The following FBXO25 variants were observed in gnomAD, a reference collection of about 807,000 sequenced individuals.
The protein encoded by FBXO25 is F-box only protein 25.
FBXO25 carries 45 observed loss-of-function variants against 51.9 expected under a neutral mutation model. The observed-to-expected ratio is 0.87, with a 90% CI of 0.68 to 1.11. FBXO25 has a LOEUF of 1.11. FBXO25 is among the 50% of genes most tolerant of loss of function. The probability of loss-of-function intolerance (pLI) is 0.00; values close to 1 mark genes in which losing one functional copy is unlikely to be tolerated. For synonymous variants in FBXO25, 199 were observed against 151.0 expected, an observed-to-expected ratio of 1.32 and a Z score of -2.33; for missense variants, 507 against 428.5, an observed-to-expected ratio of 1.18 and a Z score of -1.62.
At chr8:452,847 A>C (rs1332545702) in intron 7 of FBXO25, among the ~76,000 whole-genome samples, 1 of 152,216 alleles carries the variant, frequency 6.6e-6, no homozygotes, top group Non-Finnish European at 1.5e-5. Context: ...AAAGCAAGGG[A>C]CAAGCTTGCA....
At chr8:407,379 G>A (rs935569067) in intron 1 of FBXO25, 1 of 983,776 alleles carries the variant, frequency 1.0e-6, no homozygotes, top group Admixed American at 6.2e-5. Context: ...GTCCGCGGGC[G>A]CGTCAGGTAG....
intron 9 of FBXO25, chr8:467,697 ATTCT>A (rs754235713): frequency 3.7e-6 from 6 of 1,613,440 alleles, no homozygotes; most frequent in Admixed American, 1.7e-5. Context: ...TTCCTTCCTG[ATTCT>A]TTCTTCATGA....
chr8:451,545 T>G (rs1799096646), intron 7 of FBXO25, 92 bp downstream of exon 7: 3 of 1,184,448 alleles, frequency 2.5e-6, no homozygotes, highest in Non-Finnish European at 3.6e-6. Flanking sequence ...TGCTATAGCT[T>G]TTTGAAAGAT....
intron 5 of FBXO25, among the ~76,000 whole-genome samples, chr8:445,083 C>A (rs549529088): frequency 1.3e-5 from 2 of 152,150 alleles, no homozygotes; most frequent in African/African-American, 4.8e-5. Flanking sequence ...AATTGTCTTT[C>A]GCCCTGTTAT....
intron 7 of FBXO25, among the ~76,000 whole-genome samples, chr8:456,023 T>G (rs536199914): frequency 2.0e-4 from 31 of 152,318 alleles, no homozygotes; most frequent in African/African-American, 7.2e-4. Context: ...TCGTACTACC[T>G]TCATACCACC....
chr8:430,767 C>G (rs1480369080), intron 2 of FBXO25, among the ~76,000 whole-genome samples: 4 of 152,108 alleles, frequency 2.6e-5, no homozygotes, highest in Admixed American at 2.6e-4. Flanking sequence ...TTTCTTGTTT[C>G]ACGAAGAAGA....
chr8:428,170 A>G (rs1797606561), intron 2 of FBXO25, among the ~76,000 whole-genome samples: 1 of 152,066 alleles, frequency 6.6e-6, no homozygotes, highest in South Asian at 2.1e-4. Context: ...TCTTGAATGG[A>G]AAGGAACTTG....
At chr8:420,991 A>T (rs535111415) in intron 2 of FBXO25, among the ~76,000 whole-genome samples, 1 of 152,364 alleles carries the variant, frequency 6.6e-6, no homozygotes, top group African/African-American at 2.4e-5. Flanking sequence ...TTACAAACTT[A>T]TCCCATAATC....
Position 468,771 on chromosome 8 carries a change from T to C in FBXO25, c.1044T>C (p.Ser348=). Residue 348 remains serine (S), a synonymous_variant, in exon 10 of 10, where the codon TCT becomes TCC. Coordinates refer to ENST00000350302, the MANE Select transcript of FBXO25 (RefSeq NM_183420.2). The part of the protein sequence containing the change: ...ADPDSCFTPV[S]PQHFIDLFKF ...CTGACAGCTGCTTCACGCCTGTGTC[T>C]CCGCAGCACTTCATCGACCTCTTCA... is the stretch of plus-strand genomic sequence containing the variant. 1 of 1,614,038 alleles carries C rather than the reference T, an allele frequency of 6.2e-7. No individual in the cohort carries two copies. The highest frequency in any genetic ancestry group is 8.5e-7 in the Non-Finnish European group (1 of 1,180,020).
At chr8:431,887 A>G (rs1797839300) in intron 3 of FBXO25, among the ~76,000 whole-genome samples, 1 of 152,142 alleles carries the variant, frequency 6.6e-6, no homozygotes, top group African/African-American at 2.4e-5. Flanking sequence ...ATCATGCAGC[A>G]TATCTGTGAG....
intron 2 of FBXO25, among the ~76,000 whole-genome samples, chr8:416,203 C>G (rs1004831333): frequency 5.3e-5 from 8 of 152,182 alleles, no homozygotes; most frequent in Non-Finnish European, 2.9e-5. Flanking sequence ...ACTGTGTTTG[C>G]TTGGTTGGCC....
chr8:451,029 A>G (rs946416714), intron 6 of FBXO25: 3 of 378,508 alleles, frequency 7.9e-6, no homozygotes, highest in East Asian at 4.7e-5. Context: ...GTGGAGATAT[A>G]TATTTGTCCT....
At chr8:439,976 A>T (rs1452662444) in intron 5 of FBXO25, among the ~76,000 whole-genome samples, 6 of 152,048 alleles carry the variant, frequency 3.9e-5, no homozygotes, top group Non-Finnish European at 8.8e-5. Flanking sequence ...TTTTTTTCAA[A>T]TTTTTTCATA....
chr8:461,685 C>T (rs866696407), intron 8 of FBXO25, among the ~76,000 whole-genome samples: 9 of 152,158 alleles, frequency 5.9e-5, no homozygotes, highest in Admixed American at 2.0e-4. Flanking sequence ...TTCCTAGCCC[C>T]AAGCAACCCC....
chr8:440,626 T>C (rs1228526102), intron 5 of FBXO25, among the ~76,000 whole-genome samples: 1 of 152,032 alleles, frequency 6.6e-6, no homozygotes, highest in Non-Finnish European at 1.5e-5. Flanking sequence ...CTGGTATACA[T>C]GTGCTCAATG....
chr8:475,200 T>C lies in FBXO25; in HGVS notation c.*6396T>C. Reference sequence around the variant, plus strand: ...GTCTAGCACCATTTGTTGAAAAGACTGTCCTTTCTCCCTTGAATGGTCTTG... The same window carrying C: ...GTCTAGCACCATTTGTTGAAAAGACCGTCCTTTCTCCCTTGAATGGTCTTG... On this transcript the variant is annotated 3_prime_UTR_variant, in exon 10 of 10. Coordinates refer to ENST00000350302, the MANE Select transcript of FBXO25 (RefSeq NM_183420.2). The C allele has an allele frequency of 3.1e-6, 1 of 325,656 alleles. No individual in the cohort carries two copies. Among genetic ancestry groups the C allele is most frequent in the South Asian group, 2.6e-5 (1 of 38,324 alleles). 20.2% of individuals were successfully genotyped at this position (325,656 alleles called of 1,614,324 possible). A position where few individuals can be genotyped will look rare whatever the true frequency, so the allele number is the denominator to read the frequency against.
At chr8:430,836 C>T (rs1015206354) in intron 2 of FBXO25, among the ~76,000 whole-genome samples, 3 of 152,024 alleles carry the variant, frequency 2.0e-5, no homozygotes, top group African/African-American at 7.2e-5. Flanking sequence ...TCACCTGGTT[C>T]CAGTTAAATG....
Position 474,771 on chromosome 8 carries a change from T to C in FBXO25, c.*5967T>C, listed in dbSNP as rs1450752824. ...CCTTTTCAGATATATCATTTTAAAA[T>C]ACTTTGTCCCATTCCGTGGATTGCC... is the stretch of plus-strand genomic sequence containing the variant. On this transcript the variant is annotated 3_prime_UTR_variant, in exon 10 of 10. Transcript: ENST00000350302. 8 of 456,556 alleles carry C rather than the reference T, an allele frequency of 1.8e-5. No individual in the cohort carries two copies. Among genetic ancestry groups the C allele is most frequent in the South Asian group, 1.1e-4 (7 of 64,554 alleles). 28.3% of individuals were successfully genotyped at this position (456,556 alleles called of 1,614,324 possible).
At chr8:443,581 C>A (rs191973890) in intron 5 of FBXO25, among the ~76,000 whole-genome samples, 17 of 150,878 alleles carry the variant, frequency 1.1e-4, no homozygotes, top group Admixed American at 9.9e-4. Context: ...TCTCACAGAC[C>A]ACTGCTTGAG....
Sources: gnomAD v4.1 joint callset for allele counts (sites outside exome capture counted in the v4.1 genomes callset) on GRCh38, gnomAD v4.1.1 for gene constraint, MANE v1.5 for transcripts, NCBI Gene and HGNC (gene_info 2026-07-23, HGNC 2026-07-21) for gene names.